The following CSMD1 variants were observed in gnomAD, a reference collection of about 807,000 sequenced individuals.
CSMD1 encodes the protein CUB and Sushi multiple domains 1, also known as CUB and sushi domain-containing protein 1.
In CSMD1, 213 loss-of-function variants were observed where a neutral mutation model predicts 417.5. The ratio of observed to expected loss-of-function variants is 0.51; its 90% CI spans 0.46 to 0.57. The LOEUF (loss-of-function observed/expected upper bound fraction) is 0.57, where lower values mean the gene tolerates loss of function less well. Among genes scored for constraint, CSMD1 ranks in the 20% least tolerant of loss-of-function variants. CSMD1 has a pLI of 0.00. For missense variants in CSMD1, 6,923 were observed against 4,529.7 expected (o/e 1.53, Z -15.17); for synonymous variants, 2,862 against 1,736.8 (o/e 1.65, Z -16.11).
chr8:3,312,304 G>C (rs1046758166), intron 23 of CSMD1, among the ~76,000 whole-genome samples: 1 of 152,026 alleles, frequency 6.6e-6, no homozygotes, highest in Non-Finnish European at 1.5e-5. Flanking sequence ...CTCTTTATAT[G>C]ACCAGCTGTC....
At chr8:3,514,661 AT>A (rs966020060) in intron 10 of CSMD1, among the ~76,000 whole-genome samples, 7 of 152,124 alleles carry the variant, frequency 4.6e-5, no homozygotes, top group South Asian at 4.1e-4. Context: ...TACATTTCAA[AT>A]TTTTTTTATC....
chr8:4,371,951 G>T (rs924935798), intron 3 of CSMD1, among the ~76,000 whole-genome samples: 1 of 152,166 alleles, frequency 6.6e-6, no homozygotes, highest in East Asian at 1.9e-4. Flanking sequence ...TGGTAGCTCC[G>T]CTAATATAAA....
chr8:3,215,977 T>C (rs1464156734), intron 29 of CSMD1, among the ~76,000 whole-genome samples: 2 of 150,036 alleles, frequency 1.3e-5, no homozygotes, highest in Non-Finnish European at 3.0e-5. Flanking sequence ...ATAAAGAATC[T>C]ATTATAATAA....
At chr8:4,847,789 T>C (rs1242294427) in intron 1 of CSMD1, among the ~76,000 whole-genome samples, 1 of 152,030 alleles carries the variant, frequency 6.6e-6, no homozygotes, top group Non-Finnish European at 1.5e-5. Context: ...TTTTTTTTTT[T>C]TTTTTGACGG....
rs374465717 is a variant in CSMD1 at position 4,526,261 on chromosome 8, C to A, written c.303-106196G>T. On this transcript the variant is annotated intron_variant, in intron 2 of 69. Coordinates refer to ENST00000635120, the MANE Select transcript of CSMD1 (RefSeq NM_033225.6). ...TAGACAAGAGATTCCCATTATAAAG[C>A]AAACATCCTTTGCAATTACCAAGCT... Among the ~76,000 whole-genome samples, 86 of 152,278 alleles carry A rather than the reference C, an allele frequency of 5.6e-4. 1 individual carries two copies. The South Asian group carries it at 0.016, about 28-fold the overall frequency.
chr8:4,724,941 A>G (rs527542878), intron 1 of CSMD1, among the ~76,000 whole-genome samples: 3 of 152,162 alleles, frequency 2.0e-5, no homozygotes, highest in Admixed American at 1.3e-4. Context: ...AGGTTGTTAC[A>G]GTTGTATAAA....
chr8:4,107,952 C>G (rs1334851684), intron 3 of CSMD1, among the ~76,000 whole-genome samples: 1 of 151,964 alleles, frequency 6.6e-6, no homozygotes, highest in Non-Finnish European at 1.5e-5. Context: ...GGACTGAAAA[C>G]TGCAGTAAAA....
chr8:3,371,063 G>A (rs1162016168), intron 18 of CSMD1, among the ~76,000 whole-genome samples: 1 of 152,034 alleles, frequency 6.6e-6, no homozygotes, highest in African/African-American at 2.4e-5. Context: ...CAGAGCTCCT[G>A]GTTCTTGAAC....
In CSMD1 at chr8:3,188,942, C is replaced by T. The variant is rs1585601465; in HGVS notation, c.5468G>A (p.Gly1823Glu). Residue 1823 changes from glycine to glutamate, a missense_variant, in exon 35 of 70, where the codon GGA becomes GAA. Coordinates refer to ENST00000635120, the MANE Select transcript of CSMD1 (RefSeq NM_033225.6). Reference protein sequence around the residue: ...ILSPGYPEPYGNNLNCIWKII... With the variant: ...ILSPGYPEPYENNLNCIWKII... ...CTTCCATATACAGTTCAAGTTGTTT[C>T]CGTATGGCTCAGGGTAGCCGGGGGA... is the stretch of plus-strand genomic sequence containing the variant. 3 of 1,611,864 alleles carry T rather than the reference C, an allele frequency of 1.9e-6. No homozygotes were observed. The highest frequency in any genetic ancestry group is 2.2e-5 in the East Asian group (1 of 44,838).
At chr8:4,954,221 T>C (rs1808935467) in intron 1 of CSMD1, among the ~76,000 whole-genome samples, 1 of 152,182 alleles carries the variant, frequency 6.6e-6, no homozygotes, top group Non-Finnish European at 1.5e-5. Context: ...CTCAAGGAGC[T>C]CAGAGTTTAA....
chr8:3,457,872 C>G (rs899057785), intron 12 of CSMD1, among the ~76,000 whole-genome samples: 2 of 152,160 alleles, frequency 1.3e-5, no homozygotes, highest in African/African-American at 4.8e-5. Context: ...TTATCACATT[C>G]ACACACTCAT....
chr8:4,113,800 C>G (rs912991329), intron 3 of CSMD1, among the ~76,000 whole-genome samples: 15 of 152,150 alleles, frequency 9.9e-5, no homozygotes, highest in Non-Finnish European at 1.0e-4. Context: ...AAACACCAAA[C>G]CAGCTACAAC....
At chr8:4,815,838 C>G (rs1348253899) in intron 1 of CSMD1, among the ~76,000 whole-genome samples, 1 of 151,904 alleles carries the variant, frequency 6.6e-6, no homozygotes, top group African/African-American at 2.4e-5. Flanking sequence ...TGTTGGCTCC[C>G]AAGAAGGGCT....
intron 2 of CSMD1, among the ~76,000 whole-genome samples, chr8:4,625,548 G>T (rs184360921): frequency 6.6e-6 from 1 of 151,938 alleles, no homozygotes; most frequent in East Asian, 1.9e-4. Context: ...CTAGTCCAAA[G>T]TAGGACTTCC....
At chr8:3,657,005 C>G (rs1287068661) in intron 7 of CSMD1, among the ~76,000 whole-genome samples, 1 of 152,006 alleles carries the variant, frequency 6.6e-6, no homozygotes, top group Non-Finnish European at 1.5e-5. Flanking sequence ...ATGTGACCCA[C>G]TCATGGCCAA....
At chr8:3,693,035 T>C (rs1476464523) in intron 7 of CSMD1, among the ~76,000 whole-genome samples, 1 of 152,180 alleles carries the variant, frequency 6.6e-6, no homozygotes, top group Non-Finnish European at 1.5e-5. Flanking sequence ...TAAGAAGGTT[T>C]ACAATATTAA....
At chr8:4,365,318 CTG>C (rs1303242782) in intron 3 of CSMD1, among the ~76,000 whole-genome samples, 13 of 152,148 alleles carry the variant, frequency 8.5e-5, no homozygotes, top group African/African-American at 3.1e-4. Context: ...ATTCTGAAAA[CTG>C]TACAACTAAT....
intron 41 of CSMD1, among the ~76,000 whole-genome samples, chr8:3,138,271 C>T (rs981283453): frequency 6.6e-6 from 1 of 152,272 alleles, no homozygotes; most frequent in African/African-American, 2.4e-5. Context: ...TAAAATAAGG[C>T]AGCTTCCTTC....
chr8:3,843,292 T>C (rs1192698577), intron 5 of CSMD1, among the ~76,000 whole-genome samples: 1 of 152,234 alleles, frequency 6.6e-6, no homozygotes, highest in African/African-American at 2.4e-5. Context: ...TTAATGAGTT[T>C]ATCTTTTTAT....
Sources: gnomAD v4.1 joint callset for allele counts (sites outside exome capture counted in the v4.1 genomes callset) on GRCh38, gnomAD v4.1.1 for gene constraint, MANE v1.5 for transcripts, NCBI Gene and HGNC (gene_info 2026-07-23, HGNC 2026-07-21) for gene names.